RGL3: variants seen among roughly 807,000 people sequenced by gnomAD.
The protein encoded by RGL3 is ral guanine nucleotide dissociation stimulator like 3.
Under a neutral mutation model 90.6 loss-of-function variants are expected in RGL3, and 85 were observed. The observed-to-expected ratio is 0.94, with a 90% CI of 0.79 to 1.12. The LOEUF is 1.12. Ranked by LOEUF, RGL3 falls within the 50% of genes most tolerant of loss-of-function variation. The pLI, the probability that RGL3 is intolerant of heterozygous loss-of-function variation, is 0.00. For synonymous variants in RGL3, 408 were observed against 385.5 expected (o/e 1.06, Z -0.68); for missense variants, 1,034 against 939.2 (o/e 1.10, Z -1.32).
Position 11,408,850 on chromosome 19 carries a change from C to G in RGL3, c.638-1986G>C, listed in dbSNP as rs575551335. On this transcript the variant is annotated intron_variant, in intron 5 of 18. Transcript: ENST00000380456. ...GAACTCCTTGTTCTACTCTTTCCCC[C>G]CTTCTCACTACTGCACTTGACTTGT... 58 of 152,324 alleles carry G rather than the reference C, an allele frequency of 3.8e-4. 1 individual carries two copies. The South Asian group carries it at 8.3e-3, about 22-fold the overall frequency. 9.4% of individuals were successfully genotyped at this position (152,324 alleles called of 1,614,324 possible).
intron 5 of RGL3, among the ~76,000 whole-genome samples, chr19:11,408,024 G>A (rs1042367487): frequency 2.6e-5 from 4 of 152,102 alleles, no homozygotes; most frequent in Non-Finnish European, 4.4e-5. Flanking sequence ...CTGGAGTACA[G>A]TGGTGTGATC....
chr19:11,406,547 T>C lies in RGL3; in HGVS notation c.868A>G (p.Thr290Ala). 1 of 1,549,982 alleles carries C rather than the reference T, an allele frequency of 6.5e-7. No homozygotes were observed. Among genetic ancestry groups the C allele is most frequent in the Non-Finnish European group, 8.7e-7 (1 of 1,147,768 alleles). The change falls in exon 7 of 19, where the codon ACT (threonine) becomes GCT (alanine). Residue 290 changes from threonine (T) to alanine (A), a missense_variant. Physicochemically the swap from Thr to Ala is moderately conservative, Grantham distance 58. Transcript: ENST00000380456. ...AACTGGGCCACGGTGGCGCGCACAGTGGGGGAGGCGCCTGCAGCCCCCGGC... is the reference window on the plus strand; with the variant it reads ...AACTGGGCCACGGTGGCGCGCACAGCGGGGGAGGCGCCTGCAGCCCCCGGC... Reference protein sequence around the residue: ...DRPGAAGASPTVRATVAQFNT... With the variant: ...DRPGAAGASPAVRATVAQFNT...
At chr19:11,394,751 A>G (rs887239173) in intron 18 of RGL3, 1 of 474,138 alleles carries the variant, frequency 2.1e-6, no homozygotes, top group South Asian at 2.2e-5. Flanking sequence ...CAACCTCCTA[A>G]TATTCTCCCC....
intron 18 of RGL3, 125 bp from the exon 19 acceptor site, chr19:11,394,645 G>T: frequency 1.4e-6 from 1 of 690,968 alleles, no homozygotes; most frequent in Non-Finnish European, 2.6e-6. Context: ...TGCAGCTACT[G>T]CCAAGCCAAG....
intron 18 of RGL3, among the ~76,000 whole-genome samples, chr19:11,396,208 G>A (rs796174160): frequency 3.0e-5 from 3 of 99,828 alleles, no homozygotes; most frequent in African/African-American, 7.6e-5. Flanking sequence ...TTGCTCAGTC[G>A]CCAGGCTGGA....
intron 16 of RGL3, among the ~76,000 whole-genome samples, chr19:11,399,097 C>T (rs1364539264): frequency 6.6e-6 from 1 of 152,094 alleles, no homozygotes; most frequent in Non-Finnish European, 1.5e-5. Context: ...TGGGACTACA[C>T]CCAGCTAATT....
intron 1 of RGL3, 137 bp downstream of exon 1, chr19:11,419,109 G>C (rs1969059311): frequency 2.2e-6 from 2 of 926,302 alleles, no homozygotes; most frequent in Non-Finnish European, 3.2e-6. Context: ...ACTGGGTCAA[G>C]GGCCGCGAGT....
chr19:11,418,641 C>G, intron 2 of RGL3, 30 bp downstream of exon 2: 1 of 1,506,668 alleles, frequency 6.6e-7, no homozygotes, highest in East Asian at 2.5e-5. Flanking sequence ...CGCTTCCGGC[C>G]CCGCGCCACC....
Position 11,400,391 on chromosome 19 carries a change from TG to T in RGL3, c.1485-95del, listed in dbSNP as rs1968654046. On this transcript the variant is annotated intron_variant, in intron 13 of 18. Coordinates refer to ENST00000380456, the MANE Select transcript of RGL3 (RefSeq NM_001035223.4). ...AATCAGTTGGGAGGTGGGTTTGGGG[TG>T]TAAGGGGGAGCAGCCAGAGGTGGCA... 2.7e-6 allele frequency: 3 copies of T among 1,108,350 alleles called. No homozygotes were observed. The South Asian group carries it at 5.4e-5, about 20-fold the overall frequency. 68.7% of individuals were successfully genotyped at this position (1,108,350 alleles called of 1,614,324 possible).
intron 5 of RGL3, among the ~76,000 whole-genome samples, chr19:11,415,628 A>T (rs1968979482): frequency 6.6e-6 from 1 of 151,982 alleles, no homozygotes; most frequent in Non-Finnish European, 1.5e-5. Flanking sequence ...GACATGCCCC[A>T]CCACGCCCGG....
At chr19:11,398,814 G>A (rs1286761907) in intron 16 of RGL3, among the ~76,000 whole-genome samples, 1 of 152,090 alleles carries the variant, frequency 6.6e-6, no homozygotes, top group Non-Finnish European at 1.5e-5. Context: ...GGGACTACAG[G>A]TGTGCGCGAC....
intron 9 of RGL3, among the ~76,000 whole-genome samples, chr19:11,404,179 A>T (rs997452423): frequency 3.9e-5 from 6 of 152,082 alleles, no homozygotes; most frequent in African/African-American, 1.4e-4. Flanking sequence ...CACTGAGCCC[A>T]GCTCACGTGC....
rs540012668 is a variant in RGL3 at position 11,394,108 on chromosome 19, C to T, written c.*294G>A. ...TCATCCGCATCTGTCACTTCTGATG[C>T]GTCTCTAACATTTATAAGATTTCTC... On this transcript the variant is annotated 3_prime_UTR_variant, in exon 19 of 19. Coordinates refer to ENST00000380456, the MANE Select transcript of RGL3 (RefSeq NM_001035223.4). 6.2e-6 allele frequency: 2 copies of T among 320,496 alleles called. No individual in the cohort carries two copies. The highest frequency in any genetic ancestry group is 1.2e-5 in the Non-Finnish European group (2 of 167,814). The allele number at this position is 320,496 out of a possible 1,614,324, so 19.9% of individuals were successfully genotyped here. A position where few individuals can be genotyped will look rare whatever the true frequency, so the allele number is the denominator to read the frequency against.
At position 11,399,497 on chromosome 19, in the gene RGL3, G is replaced by A. The variant is rs1599430425; in HGVS notation, c.1746+358C>T. Among the ~76,000 whole-genome samples the A allele has an allele frequency of 2.0e-5, 3 of 152,170 alleles. No homozygotes were observed. In the South Asian group the frequency reaches 6.2e-4, roughly 32 times the overall value. Reference sequence around the variant, plus strand: ...GAAGGATTGCTTGAGCCTGGGGGAGGGGTGGAAGTTGCGGTGAGCTGAGAT... The same window carrying A: ...GAAGGATTGCTTGAGCCTGGGGGAGAGGTGGAAGTTGCGGTGAGCTGAGAT... On this transcript the variant is annotated intron_variant, in intron 16 of 18. Coordinates refer to ENST00000380456, the MANE Select transcript of RGL3 (RefSeq NM_001035223.4).
At chr19:11,396,706 C>T (rs953962621) in intron 18 of RGL3, among the ~76,000 whole-genome samples, 2 of 150,388 alleles carry the variant, frequency 1.3e-5, no homozygotes, top group African/African-American at 4.9e-5. Context: ...GCTCTGCTGC[C>T]CAGGCTGAAG....
At chr19:11,408,388 C>T (rs944325738) in intron 5 of RGL3, among the ~76,000 whole-genome samples, 5 of 151,642 alleles carry the variant, frequency 3.3e-5, no homozygotes, top group Non-Finnish European at 5.9e-5. Context: ...TCGAGACCAG[C>T]GTGGCCAACA....
chr19:11,413,623 T>C (rs1367808117), intron 5 of RGL3, among the ~76,000 whole-genome samples: 2 of 150,992 alleles, frequency 1.3e-5, no homozygotes, highest in Non-Finnish European at 2.9e-5. Flanking sequence ...TGCTGGAGGA[T>C]TGCTTAAGCC....
chr19:11,417,293 G>A (rs969654661), intron 2 of RGL3, among the ~76,000 whole-genome samples: 3 of 151,414 alleles, frequency 2.0e-5, no homozygotes, highest in African/African-American at 7.3e-5. Context: ...TGAAACTACA[G>A]GCGCACACCA....
intron 9 of RGL3, 94 bp downstream of exon 9, chr19:11,405,053 C>A: frequency 9.8e-7 from 1 of 1,016,076 alleles, no homozygotes; most frequent in South Asian, 1.3e-5. Context: ...GACAGAGTGT[C>A]CTGACTATAG....
Sources: gnomAD v4.1 joint callset for allele counts (sites outside exome capture counted in the v4.1 genomes callset) on GRCh38, gnomAD v4.1.1 for gene constraint, MANE v1.5 for transcripts, NCBI Gene and HGNC (gene_info 2026-07-23, HGNC 2026-07-21) for gene names.